Variants in TFCP2L1 observed in about 807,000 individuals in gnomAD.
TFCP2L1 encodes transcription factor CP2 like 1, also known as transcription factor CP2-like protein 1.
A neutral mutation model predicts 72.2 loss-of-function variants in TFCP2L1; 12 were observed. That is an observed-to-expected ratio of 0.17 (90% CI 0.11 to 0.27). The LOEUF (loss-of-function observed/expected upper bound fraction) is 0.27, where lower values mean the gene tolerates loss of function less well. Among genes scored for constraint, TFCP2L1 ranks in the 10% least tolerant of loss-of-function variants. The pLI, the probability that TFCP2L1 is intolerant of heterozygous loss-of-function variation, is 1.00. For missense variants in TFCP2L1, 488 were observed against 624.6 expected, an observed-to-expected ratio of 0.78 and a Z score of 2.33; for synonymous variants, 260 against 251.0, an observed-to-expected ratio of 1.04 and a Z score of -0.34.
At chr2:121,250,345 G>GTT (rs200032869) in intron 2 of TFCP2L1, among the ~76,000 whole-genome samples, 4,771 of 125,902 alleles carry the variant, frequency 0.038, 133 homozygotes, top group East Asian at 0.11. Flanking sequence ...CCAGAAGACT[G>GTT]TTATATATAT....
intron 7 of TFCP2L1, chr2:121,240,331 C>G (rs1686343198): frequency 1.0e-6 from 1 of 985,256 alleles, no homozygotes; most frequent in Non-Finnish European, 1.2e-6. Context: ...CAAGGGTTTA[C>G]AGGTTTTGTC....
intron 1 of TFCP2L1, 45 bp from the exon 2 acceptor site, chr2:121,281,316 G>C: frequency 6.5e-7 from 1 of 1,540,272 alleles, no homozygotes; most frequent in East Asian, 2.3e-5. Context: ...GCCCCAGGGG[G>C]CTCCTGCACA....
chr2:121,231,120 C>T (rs1209274146), intron 13 of TFCP2L1, among the ~76,000 whole-genome samples: 2 of 152,106 alleles, frequency 1.3e-5, no homozygotes, highest in African/African-American at 4.8e-5. Context: ...AATAATAACA[C>T]CCACATCATA....
At chr2:121,270,070 A>G (rs961951873) in intron 2 of TFCP2L1, among the ~76,000 whole-genome samples, 5 of 152,082 alleles carry the variant, frequency 3.3e-5, no homozygotes, top group Non-Finnish European at 7.4e-5. Context: ...CTCACTAGAA[A>G]AATGGGTAAT....
intron 3 of TFCP2L1, 23 bp from the exon 4 acceptor site, chr2:121,249,110 A>G: frequency 6.5e-7 from 1 of 1,526,904 alleles, no homozygotes. Context: ...GCCAGCAGGG[A>G]AACAAGTGAC....
intron 6 of TFCP2L1, 138 bp downstream of exon 6, chr2:121,246,680 C>G (rs1391038157): frequency 8.9e-7 from 1 of 1,123,926 alleles, no homozygotes; most frequent in African/African-American, 1.6e-5. Context: ...ATTAGAAGCC[C>G]AGGTAGAAGC....
intron 11 of TFCP2L1, 140 bp from the exon 12 acceptor site, chr2:121,234,334 G>T: frequency 1.3e-6 from 1 of 767,780 alleles, no homozygotes; most frequent in Non-Finnish European, 2.1e-6. Flanking sequence ...GCCTGTCATG[G>T]GGTGGTGGAT....
At position 121,223,695 on chromosome 2, in the gene TFCP2L1, T is replaced by C. The variant is rs759492168; in HGVS notation, c.*646A>G. The C allele has an allele frequency of 6.5e-6, 1 of 154,384 alleles. No individual in the cohort carries two copies. Among genetic ancestry groups the C allele is most frequent in the African/African-American group, 2.4e-5 (1 of 41,466 alleles). The allele number at this position is 154,384 out of a possible 1,614,324, so 9.6% of individuals were successfully genotyped here. ...CCAGTGCAGAGACAGGAGCACATCT[T>C]TGGGTTCCGCAGCAGCAGATCCTTA... On this transcript the variant is annotated 3_prime_UTR_variant, in exon 15 of 15. Coordinates refer to ENST00000263707, the MANE Select transcript of TFCP2L1 (RefSeq NM_014553.3).
rs1478543804 is a variant in TFCP2L1 at position 121,221,537 on chromosome 2, G to T, written c.*2804C>A. On this transcript the variant is annotated 3_prime_UTR_variant, in exon 15 of 15. Transcript: ENST00000263707. ...TATTTTTCTCAATAATCAGCAGTGG[G>T]ACAAGTGGAGATCCACAAGCAAAAG... 1 of 152,140 alleles carries T rather than the reference G, an allele frequency of 6.6e-6. No homozygotes were observed. The highest frequency in any genetic ancestry group is 1.9e-4 in the East Asian group (1 of 5,190). 9.4% of individuals were successfully genotyped at this position (152,140 alleles called of 1,614,324 possible).
chr2:121,236,217 T>C (rs915723808), intron 10 of TFCP2L1, among the ~76,000 whole-genome samples: 1 of 152,216 alleles, frequency 6.6e-6, no homozygotes, highest in South Asian at 2.1e-4. Flanking sequence ...AACGTTCTCA[T>C]ACATGTCTTT....
intron 13 of TFCP2L1, 91 bp downstream of exon 13, chr2:121,231,735 C>A: frequency 6.5e-7 from 1 of 1,545,208 alleles, no homozygotes; most frequent in South Asian, 1.2e-5. Flanking sequence ...CTGTCACTCC[C>A]AAACCCAAGT....
intron 3 of TFCP2L1, among the ~76,000 whole-genome samples, 197 bp from the exon 4 acceptor site, chr2:121,249,284 T>G (rs1470174551): frequency 6.6e-6 from 1 of 152,196 alleles, no homozygotes; most frequent in Non-Finnish European, 1.5e-5. Context: ...CAGTGATGAC[T>G]ACCATTTGTC....
chr2:121,274,002 G>A (rs1023049448), intron 2 of TFCP2L1, among the ~76,000 whole-genome samples: 9 of 151,098 alleles, frequency 6.0e-5, no homozygotes, highest in Non-Finnish European at 1.3e-4. Context: ...GCTGAGGCAG[G>A]AGAATCGCTT....
At chr2:121,268,494 C>T (rs538693878) in intron 2 of TFCP2L1, among the ~76,000 whole-genome samples, 3 of 152,228 alleles carry the variant, frequency 2.0e-5, no homozygotes, top group East Asian at 3.9e-4. Context: ...GCTGGGACCA[C>T]AGGCGTGCAC....
rs1210896023 is a variant in TFCP2L1, at chr2:121,253,406, A to G, written c.215-3759T>C. Among the ~76,000 whole-genome samples the G allele has an allele frequency of 3.3e-5, 5 of 152,200 alleles. No individual in the cohort carries two copies. The East Asian group carries it at 9.6e-4, about 29-fold the overall frequency. On this transcript the variant is annotated intron_variant, in intron 2 of 14. Transcript: ENST00000263707. Reference sequence around the variant, plus strand: ...TTTCTGAAAAAGCCAGATTGCATACATTTCCAGGCTCCTGAACCAAGAGTC... The same window carrying G: ...TTTCTGAAAAAGCCAGATTGCATACGTTTCCAGGCTCCTGAACCAAGAGTC...
chr2:121,250,197 T>C (rs1686576374), intron 2 of TFCP2L1, among the ~76,000 whole-genome samples: 2 of 152,152 alleles, frequency 1.3e-5, no homozygotes, highest in South Asian at 4.1e-4. Flanking sequence ...TAGCACAGGC[T>C]GGTCAAAGAA....
chr2:121,228,048 G>A (rs952312901), intron 13 of TFCP2L1, among the ~76,000 whole-genome samples: 2 of 152,228 alleles, frequency 1.3e-5, no homozygotes, highest in Non-Finnish European at 2.9e-5. Context: ...GGCCGGCTCC[G>A]CGGCTGGCCA....
chr2:121,261,747 G>C (rs2713205), intron 2 of TFCP2L1, among the ~76,000 whole-genome samples: 71,885 of 151,874 alleles, frequency 0.47, 19,033 homozygotes, highest in East Asian at 0.72. Flanking sequence ...AAAAAGCAAA[G>C]GGTAAACAGT....
chr2:121,270,315 T>A (rs1687020439), intron 2 of TFCP2L1, among the ~76,000 whole-genome samples: 1 of 152,196 alleles, frequency 6.6e-6, no homozygotes, highest in Admixed American at 6.5e-5. Context: ...TTATATTTCA[T>A]GTGTGGCAGA....
Sources: allele counts gnomAD v4.1 joint callset (sites outside exome capture counted in the v4.1 genomes callset), GRCh38; gene constraint gnomAD v4.1.1; transcripts MANE v1.5; gene names NCBI Gene and HGNC (gene_info 2026-07-23, HGNC 2026-07-21).